Variants in NBAS observed in about 807,000 individuals in gnomAD.
The protein encoded by NBAS is NBAS subunit of NRZ tethering complex.
A neutral mutation model predicts 302.5 loss-of-function variants in NBAS; 219 were observed. That is an observed-to-expected ratio of 0.72 (90% CI 0.65 to 0.81). The LOEUF is 0.81. Among genes scored for constraint, NBAS ranks in the 30% least tolerant of loss-of-function variants. NBAS has a pLI of 0.00. For missense variants in NBAS, 2,932 were observed against 2,841.6 expected (o/e 1.03, Z -0.72); for synonymous variants, 1,118 against 1,021.6 (o/e 1.09, Z -1.80).
chr2:15,175,531 C>T (rs924241140), intron 51 of NBAS, among the ~76,000 whole-genome samples: 2 of 152,180 alleles, frequency 1.3e-5, no homozygotes, highest in Non-Finnish European at 1.5e-5. Context: ...GAGTCAAACA[C>T]ATCAGCAGCA....
chr2:15,477,772 TA>T (rs1558375877), intron 13 of NBAS, among the ~76,000 whole-genome samples: 7 of 152,190 alleles, frequency 4.6e-5, no homozygotes, highest in Admixed American at 4.6e-4. Flanking sequence ...TACTTTTATT[TA>T]AATGTAAATC....
chr2:15,455,351 A>G (rs922647254), intron 21 of NBAS, among the ~76,000 whole-genome samples: 6 of 152,176 alleles, frequency 3.9e-5, no homozygotes, highest in Non-Finnish European at 8.8e-5. Context: ...TTCATGTGTC[A>G]CATTATAGCA....
rs1277993346 is a variant in NBAS, at chr2:15,500,921, C to CA, written c.954+3223dup. ...CCTGGGTGACAGAGTGAGACTGTCT[C>CA]AAAAAAAAAAGAAAAAAAAGAAAAG... On this transcript the variant is annotated intron_variant, in intron 11 of 51. Transcript: ENST00000281513. Among the ~76,000 whole-genome samples, 1,035 of 128,294 alleles carry CA rather than the reference C, an allele frequency of 8.1e-3. 8 individuals carry two copies. Among genetic ancestry groups the CA allele is most frequent in the African/African-American group, 0.027 (936 of 34,380 alleles). The allele number at this position is 128,294 out of a possible 152,430, so 84.2% of individuals were successfully genotyped here.
intron 46 of NBAS, among the ~76,000 whole-genome samples, chr2:15,233,284 C>G (rs140445764): frequency 6.6e-6 from 1 of 152,142 alleles, no homozygotes; most frequent in Admixed American, 6.6e-5. Flanking sequence ...TGAATGTCTT[C>G]TGTGTGCCAA....
At chr2:15,485,951 C>T (rs1441761291) in intron 12 of NBAS, among the ~76,000 whole-genome samples, 1 of 152,140 alleles carries the variant, frequency 6.6e-6, no homozygotes, top group Admixed American at 6.5e-5. Flanking sequence ...TCCATGTTCC[C>T]TACTTGGGAC....
intron 32 of NBAS, among the ~76,000 whole-genome samples, chr2:15,361,050 C>G (rs1444651139): frequency 6.6e-6 from 1 of 152,162 alleles, no homozygotes; most frequent in Non-Finnish European, 1.5e-5. Flanking sequence ...AGGTTTACAT[C>G]TCCATCACCA....
rs549609394 is a variant in NBAS at position 15,190,101 on chromosome 2, T to G, written c.6572+163A>C. ...AGGGGCAAGGAGAAACGGAAAGACA[T>G]TGCAATATTTCAAAAACAATTTTAA... On this transcript the variant is annotated intron_variant, in intron 49 of 51. Coordinates refer to ENST00000281513, the MANE Select transcript of NBAS (RefSeq NM_015909.4). 2.0e-5 allele frequency among the ~76,000 whole-genome samples: 3 copies of G among 152,264 alleles called. No individual in the cohort carries two copies. In the South Asian group the frequency reaches 6.2e-4, roughly 32 times the overall value.
chr2:15,279,184 A>G (rs1669720273), intron 42 of NBAS, among the ~76,000 whole-genome samples: 1 of 152,218 alleles, frequency 6.6e-6, no homozygotes, highest in Non-Finnish European at 1.5e-5. Context: ...CAACATGCCA[A>G]AAGGAGGAAA....
chr2:15,525,575 T>C (rs1024940211), intron 9 of NBAS, among the ~76,000 whole-genome samples: 1 of 152,206 alleles, frequency 6.6e-6, no homozygotes, highest in African/African-American at 2.4e-5. Context: ...ATGAATTATA[T>C]ACTGGAACTC....
the NBAS span, among the ~76,000 whole-genome samples, chr2:15,077,209 G>A: frequency 6.6e-6 from 1 of 152,080 alleles, no homozygotes. Context: ...GGAAAGAGTG[G>A]GGAACTGCTA....
the NBAS span, among the ~76,000 whole-genome samples, chr2:14,925,120 C>T: frequency 1.4e-3 from 207 of 152,278 alleles, no homozygotes; most frequent in African/African-American, 4.0e-3. Context: ...AAGGTCAGTT[C>T]GCAAACCCAG....
chr2:14,965,390 A>C, the NBAS span, among the ~76,000 whole-genome samples: 4 of 152,206 alleles, frequency 2.6e-5, no homozygotes, highest in Admixed American at 2.0e-4. Context: ...GAAAAGGTTA[A>C]GAACAATGTT....
chr2:14,944,282 C>T, the NBAS span, among the ~76,000 whole-genome samples: 1 of 151,816 alleles, frequency 6.6e-6, no homozygotes, highest in Admixed American at 6.6e-5. Context: ...CCAGCCTGGG[C>T]GACAGAGTGA....
chr2:15,147,734 C>T, the NBAS span, among the ~76,000 whole-genome samples: 1 of 152,116 alleles, frequency 6.6e-6, no homozygotes, highest in Non-Finnish European at 1.5e-5. Flanking sequence ...CTAAGGACCG[C>T]CTTTACTCAT....
chr2:14,819,565 A>C, the NBAS span, among the ~76,000 whole-genome samples: 10 of 152,242 alleles, frequency 6.6e-5, no homozygotes, highest in African/African-American at 2.2e-4. Context: ...AGAGGATTTC[A>C]AGGACTTAAG....
At chr2:15,351,427 C>T (rs1260539695) in intron 35 of NBAS, among the ~76,000 whole-genome samples, 2 of 151,952 alleles carry the variant, frequency 1.3e-5, no homozygotes, top group Non-Finnish European at 2.9e-5. Flanking sequence ...CTGTAATCCA[C>T]GCACTTTGGA....
At position 15,425,579 on chromosome 2, in the gene NBAS, A is replaced by G. The variant is rs145880535; in HGVS notation, c.2424-1111T>C. Among the ~76,000 whole-genome samples, 1,012 of 152,284 alleles carry G rather than the reference A, an allele frequency of 6.6e-3. 11 individuals are homozygous for G. Among genetic ancestry groups the G allele is most frequent in the African/African-American group, 0.022 (923 of 41,558 alleles). ...GGGGCATTTTACCCAAATGCCTTTGACAACCTACTTTGCTTATACCTGCCA... is the reference window on the plus strand; with the variant it reads ...GGGGCATTTTACCCAAATGCCTTTGGCAACCTACTTTGCTTATACCTGCCA... On this transcript the variant is annotated intron_variant, in intron 22 of 51. Transcript: ENST00000281513.
chr2:15,550,740 T>C (rs975897312), intron 6 of NBAS, among the ~76,000 whole-genome samples: 8 of 151,858 alleles, frequency 5.3e-5, no homozygotes, highest in Non-Finnish European at 1.0e-4. Context: ...GCATGTGTCA[T>C]CATGCCTGGG....
At chr2:15,299,322 A>C (rs1457387935) in intron 40 of NBAS, among the ~76,000 whole-genome samples, 1 of 152,230 alleles carries the variant, frequency 6.6e-6, no homozygotes, top group Non-Finnish European at 1.5e-5. Context: ...TGATTTCTTT[A>C]AAGAATATGG....
Sources: allele counts gnomAD v4.1 joint callset (sites outside exome capture counted in the v4.1 genomes callset), GRCh38; gene constraint gnomAD v4.1.1; transcripts MANE v1.5; gene names NCBI Gene and HGNC (gene_info 2026-07-23, HGNC 2026-07-21).